The following CNTNAP2 variants were observed in gnomAD, a reference collection of about 807,000 sequenced individuals.
CNTNAP2 encodes contactin-associated protein-like 2.
In CNTNAP2, 98 loss-of-function variants were observed where a neutral mutation model predicts 155.2. The ratio of observed to expected loss-of-function variants is 0.63; its 90% CI spans 0.54 to 0.75. The LOEUF is 0.75. Among genes scored for constraint, CNTNAP2 ranks in the 30% least tolerant of loss-of-function variants. CNTNAP2 has a pLI of 0.00. For synonymous variants in CNTNAP2, 651 were observed against 631.2 expected, an observed-to-expected ratio of 1.03 and a Z score of -0.47; for missense variants, 1,727 against 1,688.1, an observed-to-expected ratio of 1.02 and a Z score of -0.40.
chr7:146,566,392 T>C (rs1798356940), intron 1 of CNTNAP2, among the ~76,000 whole-genome samples: 1 of 152,222 alleles, frequency 6.6e-6, no homozygotes, highest in African/African-American at 2.4e-5. Flanking sequence ...AAATTATTTC[T>C]CAAATTTTTA....
At chr7:148,010,132 A>G (rs1375220878) in intron 15 of CNTNAP2, among the ~76,000 whole-genome samples, 1 of 152,042 alleles carries the variant, frequency 6.6e-6, no homozygotes, top group Non-Finnish European at 1.5e-5. Context: ...GAATGAGGCT[A>G]AACTAATTTA....
intron 8 of CNTNAP2, among the ~76,000 whole-genome samples, chr7:147,136,003 T>C (rs1427709204): frequency 6.6e-6 from 1 of 151,544 alleles, no homozygotes; most frequent in African/African-American, 2.4e-5. Flanking sequence ...AAAGCATTAA[T>C]GTACATTACT....
At chr7:146,197,341 T>G (rs965444643) in intron 1 of CNTNAP2, among the ~76,000 whole-genome samples, 1 of 152,198 alleles carries the variant, frequency 6.6e-6, no homozygotes, top group African/African-American at 2.4e-5. Flanking sequence ...AGTCTTCTCA[T>G]CAAATAAATT....
At chr7:148,329,294 C>T (rs908599717) in intron 21 of CNTNAP2, among the ~76,000 whole-genome samples, 13 of 152,186 alleles carry the variant, frequency 8.5e-5, no homozygotes, top group African/African-American at 3.1e-4. Context: ...AGAAACACTC[C>T]AGAGGCATCA....
chr7:146,639,492 G>A (rs749737666), intron 1 of CNTNAP2, among the ~76,000 whole-genome samples: 7 of 131,138 alleles, frequency 5.3e-5, no homozygotes, highest in South Asian at 2.2e-4. Flanking sequence ...GGAGGAAACC[G>A]TACTTCAGAA....
At chr7:147,343,379 C>A (rs1005357088) in intron 9 of CNTNAP2, among the ~76,000 whole-genome samples, 1 of 152,008 alleles carries the variant, frequency 6.6e-6, no homozygotes, top group Non-Finnish European at 1.5e-5. Context: ...TTGGCCATTT[C>A]CCCCTCGTAA....
intron 1 of CNTNAP2, among the ~76,000 whole-genome samples, chr7:146,755,955 G>T (rs1383254171): frequency 2.0e-5 from 3 of 151,856 alleles, no homozygotes; most frequent in African/African-American, 7.2e-5. Context: ...TTTTCAATAA[G>T]TTTATGAATA....
intron 1 of CNTNAP2, among the ~76,000 whole-genome samples, chr7:146,351,701 C>T (rs1171652966): frequency 6.6e-6 from 1 of 152,116 alleles, no homozygotes; most frequent in Non-Finnish European, 1.5e-5. Context: ...TAACTTTGTG[C>T]TTTTTCTAAG....
chr7:146,246,535 C>T (rs1298708116), intron 1 of CNTNAP2, among the ~76,000 whole-genome samples: 1 of 149,862 alleles, frequency 6.7e-6, no homozygotes, highest in African/African-American at 2.5e-5. Context: ...AGTGGGTAGC[C>T]TCAGTATTGA....
intron 13 of CNTNAP2, among the ~76,000 whole-genome samples, chr7:147,690,811 C>A (rs1796077011): frequency 6.6e-6 from 1 of 151,780 alleles, no homozygotes; most frequent in African/African-American, 2.4e-5. Context: ...GTTGTATTGA[C>A]CTTAAATTGT....
chr7:147,088,696 A>T (rs935668620), intron 4 of CNTNAP2, among the ~76,000 whole-genome samples: 4 of 152,146 alleles, frequency 2.6e-5, no homozygotes, highest in Non-Finnish European at 5.9e-5. Context: ...TGTAATTCCA[A>T]CACTTTGGAA....
At chr7:147,177,452 G>A (rs1563104333) in intron 8 of CNTNAP2, among the ~76,000 whole-genome samples, 1 of 151,760 alleles carries the variant, frequency 6.6e-6, no homozygotes, top group African/African-American at 2.4e-5. Flanking sequence ...GTTTTCTGAG[G>A]CCTCCCCAGC....
At chr7:146,879,435 T>C (rs1056525367) in intron 3 of CNTNAP2, among the ~76,000 whole-genome samples, 2 of 152,156 alleles carry the variant, frequency 1.3e-5, no homozygotes, top group Non-Finnish European at 2.9e-5. Context: ...AACAACTTTA[T>C]ATTGTTCTCT....
At chr7:147,250,611 G>A (rs182382187) in intron 8 of CNTNAP2, among the ~76,000 whole-genome samples, 7 of 148,450 alleles carry the variant, frequency 4.7e-5, no homozygotes, top group Admixed American at 2.1e-4. Context: ...TCCCTCTTTC[G>A]GGGGAGGGAG....
chr7:147,698,302 C>T (rs962595929), intron 13 of CNTNAP2, among the ~76,000 whole-genome samples: 9 of 152,166 alleles, frequency 5.9e-5, no homozygotes, highest in Non-Finnish European at 1.2e-4. Flanking sequence ...CTTTATTTAA[C>T]AACTGGTTTG....
chr7:146,590,796 G>GT (rs879834894), intron 1 of CNTNAP2, among the ~76,000 whole-genome samples: 5 of 152,200 alleles, frequency 3.3e-5, no homozygotes, highest in Non-Finnish European at 7.3e-5. Flanking sequence ...ACACAGCATG[G>GT]TAGGCAGAGA....
At chr7:146,117,197 T>C in intron 1 of CNTNAP2, 1 of 565,012 alleles carries the variant, frequency 1.8e-6, no homozygotes, top group East Asian at 2.9e-5. Flanking sequence ...TGGAAAGTTG[T>C]TCCTGGTCTT....
intron 3 of CNTNAP2, among the ~76,000 whole-genome samples, chr7:146,897,023 G>A (rs766646214): frequency 2.0e-5 from 3 of 152,026 alleles, no homozygotes; most frequent in South Asian, 2.1e-4. Context: ...CAGAGAAACC[G>A]TATTTCTCTG....
chr7:148,212,171 G>A (rs183917475), intron 18 of CNTNAP2, among the ~76,000 whole-genome samples: 2 of 151,388 alleles, frequency 1.3e-5, no homozygotes, highest in Non-Finnish European at 1.5e-5. Flanking sequence ...TGTAAGCCTC[G>A]GGGATTTGGT....
Sources: gnomAD v4.1 joint callset for allele counts (sites outside exome capture counted in the v4.1 genomes callset) on GRCh38, gnomAD v4.1.1 for gene constraint, MANE v1.5 for transcripts, NCBI Gene and HGNC (gene_info 2026-07-23, HGNC 2026-07-21) for gene names.